Variants in CDH18 observed in about 807,000 individuals in gnomAD.
CDH18 encodes the protein cadherin 18.
Under a neutral mutation model 67.9 loss-of-function variants are expected in CDH18, and 31 were observed. The observed-to-expected ratio is 0.46, with a 90% CI of 0.34 to 0.62. The LOEUF (loss-of-function observed/expected upper bound fraction) is 0.62, where lower values mean the gene tolerates loss of function less well. Ranked by LOEUF, CDH18 falls within the 20% of genes least tolerant of loss-of-function variation. The pLI is 0.01. For missense variants in CDH18, 890 were observed against 975.5 expected (o/e 0.91, Z 1.17); for synonymous variants, 362 against 347.2 (o/e 1.04, Z -0.48).
At chr5:20,002,073 T>C (rs1736490570) in intron 2 of CDH18, among the ~76,000 whole-genome samples, 1 of 152,238 alleles carries the variant, frequency 6.6e-6, no homozygotes, top group African/African-American at 2.4e-5. Context: ...TAGTCATTAT[T>C]GACATTGATG....
chr5:19,830,761 A>G (rs1382592589), intron 3 of CDH18, among the ~76,000 whole-genome samples: 1 of 152,122 alleles, frequency 6.6e-6, no homozygotes, highest in African/African-American at 2.4e-5. Context: ...CACCATTAAC[A>G]ATAGCAAAGT....
intron 5 of CDH18, among the ~76,000 whole-genome samples, chr5:19,717,649 T>C (rs954087492): frequency 2.6e-5 from 4 of 152,090 alleles, no homozygotes; most frequent in Non-Finnish European, 5.9e-5. Flanking sequence ...ATTTGAGTTG[T>C]GCTAATAAAC....
chr5:20,418,242 A>ATTTTTTTTTTTTTTTGTTTTTT (rs1747500440), intron 1 of CDH18, among the ~76,000 whole-genome samples: 1 of 56,936 alleles, frequency 1.8e-5, no homozygotes, highest in Admixed American at 3.3e-4. Flanking sequence ...CTGCTGGCTA[A>ATTTTTTTTTTTTTTTGTTTTTT]TTTTTTTTTT....
chr5:20,472,389 T>G (rs1454076975), intron 1 of CDH18, among the ~76,000 whole-genome samples: 1 of 152,234 alleles, frequency 6.6e-6, no homozygotes, highest in African/African-American at 2.4e-5. Flanking sequence ...TTAGTGTTAA[T>G]TATGGACTTT....
chr5:19,684,415 G>A (rs1196580827), intron 5 of CDH18, among the ~76,000 whole-genome samples: 1 of 150,574 alleles, frequency 6.6e-6, no homozygotes, highest in Non-Finnish European at 1.5e-5. Flanking sequence ...AGAATTGAGG[G>A]AAAAAGAAAA....
intron 8 of CDH18, 77 bp downstream of exon 8, chr5:19,571,502 G>T (rs550916746): frequency 2.4e-6 from 3 of 1,262,566 alleles, no homozygotes; most frequent in Non-Finnish European, 3.3e-6. Context: ...CATTTTAAGT[G>T]TAATTTTATT....
chr5:20,350,852 G>T (rs953950675), intron 1 of CDH18, among the ~76,000 whole-genome samples: 1 of 152,076 alleles, frequency 6.6e-6, no homozygotes, highest in Non-Finnish European at 1.5e-5. Flanking sequence ...TATTATTCAG[G>T]TTAGAATTGC....
intron 5 of CDH18, among the ~76,000 whole-genome samples, chr5:19,685,771 G>C (rs1761010716): frequency 1.3e-5 from 2 of 152,124 alleles, no homozygotes; most frequent in African/African-American, 4.8e-5. Context: ...AACAATGTTT[G>C]ATGTTAAGTT....
intron 1 of CDH18, among the ~76,000 whole-genome samples, chr5:20,480,635 G>A (rs1357349522): frequency 1.3e-5 from 2 of 152,014 alleles, no homozygotes; most frequent in Non-Finnish European, 2.9e-5. Context: ...GGCTGGTCTT[G>A]GACTCCTGAC....
chr5:19,565,585 A>G (rs1044452336), intron 8 of CDH18, among the ~76,000 whole-genome samples: 7 of 152,220 alleles, frequency 4.6e-5, no homozygotes, highest in African/African-American at 1.7e-4. Flanking sequence ...AAGAGTCCCC[A>G]AGAATGACAG....
At chr5:20,295,413 C>G (rs573689732) in intron 1 of CDH18, among the ~76,000 whole-genome samples, 1 of 152,174 alleles carries the variant, frequency 6.6e-6, no homozygotes, top group Admixed American at 6.5e-5. Flanking sequence ...AAACACTTTT[C>G]CAGATGGTTA....
At chr5:19,787,045 A>G (rs1204330999) in intron 3 of CDH18, among the ~76,000 whole-genome samples, 1 of 152,198 alleles carries the variant, frequency 6.6e-6, no homozygotes, top group Non-Finnish European at 1.5e-5. Flanking sequence ...AACTAGAAGT[A>G]GGACTGGGAA....
At chr5:19,701,874 A>G (rs1763290415) in intron 5 of CDH18, among the ~76,000 whole-genome samples, 1 of 152,144 alleles carries the variant, frequency 6.6e-6, no homozygotes, top group Non-Finnish European at 1.5e-5. Context: ...TCTTTCCCAG[A>G]AAAGTATAAG....
At position 20,383,969 on chromosome 5, in the gene CDH18, C is replaced by G. The variant is rs188091019; in HGVS notation, c.-579-128464G>C. On this transcript the variant is annotated intron_variant, in intron 1 of 14. Coordinates refer to the CDH18 transcript ENST00000507958. ...AGAAAAGGGATCTAAAATTTAAATT[C>G]AAGTCAATAAAAATTTTAAATATCA... 3.0e-3 allele frequency among the ~76,000 whole-genome samples: 453 copies of G among 151,834 alleles called. 3 individuals are homozygous for G. The highest frequency in any genetic ancestry group is 4.7e-3 in the Non-Finnish European group (316 of 67,906).
intron 1 of CDH18, among the ~76,000 whole-genome samples, chr5:20,491,452 T>C (rs1015825427): frequency 3.3e-5 from 5 of 152,132 alleles, no homozygotes; most frequent in African/African-American, 9.7e-5. Flanking sequence ...GGGAATGTGA[T>C]TTATATAAAG....
At chr5:20,305,517 A>AGCG (rs1194195593) in intron 1 of CDH18, 5 of 961,450 alleles carry the variant, frequency 5.2e-6, no homozygotes, top group Non-Finnish European at 8.4e-6. Flanking sequence ...CCCGGGGCGC[A>AGCG]GCGGCGCAGG....
chr5:20,072,435 T>G (rs1172347712), intron 2 of CDH18, among the ~76,000 whole-genome samples: 2 of 151,990 alleles, frequency 1.3e-5, no homozygotes, highest in Admixed American at 6.6e-5. Flanking sequence ...GATTAAAAAT[T>G]CACACCTTTG....
rs116323644 is a variant in CDH18, at chr5:20,118,830, T to A, written c.-517-126816A>T. Among the ~76,000 whole-genome samples the A allele has an allele frequency of 1.0e-3, 159 of 152,280 alleles. 1 individual carries two copies. The highest frequency in any genetic ancestry group is 3.7e-3 in the African/African-American group (152 of 41,572). ...AAGAACTCATTATTTTTTTCCATTG[T>A]GTTCCTTGAAGAGAATACACACAAC... On this transcript the variant is annotated intron_variant, in intron 2 of 14. Coordinates refer to the CDH18 transcript ENST00000507958.
chr5:20,558,185 C>T (rs1266090148), intron 1 of CDH18, among the ~76,000 whole-genome samples: 1 of 152,074 alleles, frequency 6.6e-6, no homozygotes, highest in Admixed American at 6.6e-5. Flanking sequence ...GAAGATTTAG[C>T]ATTTTCTATA....
Sources: gnomAD v4.1 joint callset for allele counts (sites outside exome capture counted in the v4.1 genomes callset) on GRCh38, gnomAD v4.1.1 for gene constraint, MANE v1.5 for transcripts, NCBI Gene and HGNC (gene_info 2026-07-23, HGNC 2026-07-21) for gene names.